Variants in TMEM232 observed in about 807,000 individuals in gnomAD.
TMEM232 encodes transmembrane protein 232.
TMEM232 carries 80 observed loss-of-function variants against 78.8 expected under a neutral mutation model. The observed-to-expected ratio is 1.01, with a 90% confidence interval of 0.85 to 1.22. The LOEUF is 1.22. Among genes scored for constraint, TMEM232 ranks in the 50% most tolerant of loss-of-function variants. The probability of loss-of-function intolerance (pLI) is 0.00; values close to 1 mark genes in which losing one functional copy is unlikely to be tolerated. For missense variants in TMEM232, 881 were observed against 742.2 expected, an observed-to-expected ratio of 1.19 and a Z score of -2.17; for synonymous variants, 297 against 254.3, an observed-to-expected ratio of 1.17 and a Z score of -1.60.
intron 10 of TMEM232, among the ~76,000 whole-genome samples, chr5:110,576,550 A>C (rs1409922343): frequency 6.6e-6 from 1 of 152,038 alleles, no homozygotes; most frequent in Admixed American, 6.6e-5. Context: ...TATATGGAAT[A>C]ACAACAAAAA....
At chr5:110,443,712 A>C (rs1759314524) in intron 12 of TMEM232, among the ~76,000 whole-genome samples, 1 of 152,148 alleles carries the variant, frequency 6.6e-6, no homozygotes, top group Admixed American at 6.5e-5. Context: ...TCTGAAGTCA[A>C]CTTATCTCAG....
Position 110,651,576 on chromosome 5 carries a change from G to C in TMEM232, c.126-9205C>G, listed in dbSNP as rs142584529. Among the ~76,000 whole-genome samples, 966 of 152,146 alleles carry C rather than the reference G, an allele frequency of 6.3e-3. 19 individuals carry two copies. Among genetic ancestry groups the C allele is most frequent in the African/African-American group, 0.022 (893 of 41,510 alleles). On this transcript the variant is annotated intron_variant, in intron 2 of 13. Coordinates refer to ENST00000455884, the MANE Select transcript of TMEM232 (RefSeq NM_001039763.4). ...GTATTTAAACCATGGGGTAGAGTCT[G>C]TATTTTACTCTGGATGTAATGGAAA...
intron 10 of TMEM232, among the ~76,000 whole-genome samples, chr5:110,570,419 G>T (rs1458850127): frequency 1.3e-5 from 2 of 151,912 alleles, no homozygotes; most frequent in Non-Finnish European, 2.9e-5. Flanking sequence ...CAAGTAATTG[G>T]CAAGTCTGGG....
At chr5:110,644,084 T>G (rs1432065018) in intron 2 of TMEM232, among the ~76,000 whole-genome samples, 1 of 151,928 alleles carries the variant, frequency 6.6e-6, no homozygotes, top group Non-Finnish European at 1.5e-5. Flanking sequence ...TGCAGTACAA[T>G]AAAGGAAGAG....
intron 11 of TMEM232, among the ~76,000 whole-genome samples, chr5:110,532,001 C>T (rs945914355): frequency 6.6e-6 from 1 of 152,140 alleles, no homozygotes; most frequent in South Asian, 2.1e-4. Flanking sequence ...CAATTCCTTG[C>T]CTCCACTGTG....
intron 11 of TMEM232, among the ~76,000 whole-genome samples, chr5:110,535,664 GA>G (rs1167397165): frequency 6.6e-6 from 1 of 152,134 alleles, no homozygotes; most frequent in African/African-American, 2.4e-5. Flanking sequence ...TTGCACAAAT[GA>G]AGATATTATG....
intron 1 of TMEM232, among the ~76,000 whole-genome samples, chr5:110,692,172 G>A (rs111762596): frequency 0.039 from 5,951 of 152,038 alleles, 381 homozygotes; most frequent in African/African-American, 0.14. Context: ...TGCCCGCCTC[G>A]GCCTCCAAAA....
intron 12 of TMEM232, among the ~76,000 whole-genome samples, chr5:110,450,205 A>G (rs533611754): frequency 6.6e-6 from 1 of 152,136 alleles, no homozygotes; most frequent in Non-Finnish European, 1.5e-5. Context: ...TGGAACTGTG[A>G]GTCAATTAAT....
intron 1 of TMEM232, among the ~76,000 whole-genome samples, chr5:110,673,319 G>C (rs1791607303): frequency 6.6e-6 from 1 of 151,154 alleles, no homozygotes; most frequent in African/African-American, 2.4e-5. Flanking sequence ...GGCGGGAGGG[G>C]GGAGGGATAG....
chr5:110,516,660 T>G (rs1768705643), intron 12 of TMEM232, among the ~76,000 whole-genome samples: 1 of 152,104 alleles, frequency 6.6e-6, no homozygotes, highest in African/African-American at 2.4e-5. Flanking sequence ...TCCACCAGCT[T>G]AAAGAAAAGT....
intron 12 of TMEM232, among the ~76,000 whole-genome samples, chr5:110,465,038 C>T (rs578208433): frequency 3.3e-5 from 5 of 152,284 alleles, no homozygotes; most frequent in African/African-American, 1.2e-4. Context: ...ACACTTTTCT[C>T]AAAGAAAGCT....
intron 12 of TMEM232, among the ~76,000 whole-genome samples, chr5:110,490,693 T>A (rs866926775): frequency 6.6e-6 from 1 of 152,104 alleles, no homozygotes; most frequent in Non-Finnish European, 1.5e-5. Flanking sequence ...TTATGAGCAA[T>A]TGATTTTCAA....
At chr5:110,681,812 T>C (rs990212575) in intron 1 of TMEM232, among the ~76,000 whole-genome samples, 3 of 152,000 alleles carry the variant, frequency 2.0e-5, no homozygotes, top group Non-Finnish European at 2.9e-5. Flanking sequence ...AAAAAGAGAG[T>C]CTTGAACCAT....
intron 1 of TMEM232, among the ~76,000 whole-genome samples, chr5:110,693,055 A>G (rs576861454): frequency 2.6e-5 from 4 of 152,144 alleles, no homozygotes; most frequent in Non-Finnish European, 5.9e-5. Flanking sequence ...AGCACCCCCC[A>G]GTAGGGGCGG....
intron 7 of TMEM232, among the ~76,000 whole-genome samples, chr5:110,623,661 A>G (rs1238017024): frequency 6.6e-6 from 1 of 152,184 alleles, no homozygotes; most frequent in Non-Finnish European, 1.5e-5. Flanking sequence ...TATGCAGTCC[A>G]GCACTGACTG....
At chr5:110,600,353 A>G (rs1466790945) in intron 10 of TMEM232, among the ~76,000 whole-genome samples, 1 of 152,108 alleles carries the variant, frequency 6.6e-6, no homozygotes, top group Non-Finnish European at 1.5e-5. Context: ...AAGTCCTTCA[A>G]AAAAATCAAT....
At chr5:110,708,104 TA>T (rs1796122375) in intron 1 of TMEM232, among the ~76,000 whole-genome samples, 1 of 152,048 alleles carries the variant, frequency 6.6e-6, no homozygotes, top group Non-Finnish European at 1.5e-5. Flanking sequence ...GTGGCTACAG[TA>T]AAAGACTCCT....
upstream of TMEM232, among the ~76,000 whole-genome samples, chr5:110,730,943 T>G (rs1366573795): frequency 6.6e-6 from 1 of 152,062 alleles, no homozygotes; most frequent in Non-Finnish European, 1.5e-5. Context: ...ATGTCCACAG[T>G]CCAAAGTCTC....
At chr5:110,721,960 C>G (rs116312320) in intron 1 of TMEM232, among the ~76,000 whole-genome samples, 2,873 of 151,762 alleles carry the variant, frequency 0.019, 80 homozygotes, top group African/African-American at 0.067. Context: ...AGAATCACTT[C>G]TTAAAACACA....
Sources: gnomAD v4.1 joint callset for allele counts (sites outside exome capture counted in the v4.1 genomes callset) on GRCh38, gnomAD v4.1.1 for gene constraint, MANE v1.5 for transcripts, NCBI Gene and HGNC (gene_info 2026-07-23, HGNC 2026-07-21) for gene names.